Variants in LIN7A observed in about 807,000 individuals in gnomAD.
LIN7A encodes the protein lin-7 cell polarity scaffold A.
Under a neutral mutation model 29.8 loss-of-function variants are expected in LIN7A, and 25 were observed. The ratio of observed to expected loss-of-function variants is 0.84; its 90% CI spans 0.61 to 1.17. The LOEUF (loss-of-function observed/expected upper bound fraction) is 1.17. Among genes scored for constraint, LIN7A ranks in the 50% most tolerant of loss-of-function variants. The pLI is 0.00. For synonymous variants in LIN7A, 118 were observed against 107.5 expected (o/e 1.10, Z -0.60); for missense variants, 239 against 287.0 (o/e 0.83, Z 1.21).
chr12:80,919,127 G>A (rs552708987), intron 1 of LIN7A, among the ~76,000 whole-genome samples: 13 of 152,246 alleles, frequency 8.5e-5, no homozygotes, highest in South Asian at 2.1e-4. Context: ...TATTTCCATC[G>A]TTAAGGAATG....
rs958079322 is a variant in LIN7A, at chr12:80,793,287, G to C, written c.*4440C>G. 1 of 152,210 alleles carries C rather than the reference G, an allele frequency of 6.6e-6. No individual in the cohort carries two copies. The highest frequency in any genetic ancestry group is 2.4e-5 in the African/African-American group (1 of 41,452). 9.4% of individuals were successfully genotyped at this position (152,210 alleles called of 1,614,324 possible). A position where few individuals can be genotyped will look rare whatever the true frequency, so the allele number is the denominator to read the frequency against. ...CACTCAGCACAGTGGCTAGAAAATA[G>C]AGCTGCATAAATGTTAGTTATGAAT... On this transcript the variant is annotated 3_prime_UTR_variant, in exon 6 of 6. Coordinates refer to ENST00000552864, the MANE Select transcript of LIN7A (RefSeq NM_004664.4).
chr12:80,881,131 C>T (rs1875007936), intron 2 of LIN7A, among the ~76,000 whole-genome samples: 1 of 142,844 alleles, frequency 7.0e-6, no homozygotes. Flanking sequence ...AAATTTCCAT[C>T]CTTTTAAAAT....
chr12:80,931,816 A>G (rs1439476690), intron 1 of LIN7A, among the ~76,000 whole-genome samples: 3 of 152,174 alleles, frequency 2.0e-5, no homozygotes. Context: ...GTACACTAAA[A>G]CACATGCGGC....
In LIN7A at chr12:80,800,004, C is replaced by T. The variant is rs937162631; in HGVS notation, c.*1-2278G>A. ...TCTCGAAAAAAATAAAATAAAAAGACGGATAAAATCAATAAACTTCTAGCC... is the reference window on the plus strand; with the variant it reads ...TCTCGAAAAAAATAAAATAAAAAGATGGATAAAATCAATAAACTTCTAGCC... On this transcript the variant is annotated intron_variant, in intron 5 of 5. Transcript: ENST00000552864. 2.2e-4 allele frequency among the ~76,000 whole-genome samples: 33 copies of T among 151,950 alleles called. 1 individual carries two copies. Among genetic ancestry groups the T allele is most frequent in the Admixed American group, 1.7e-3 (26 of 15,280 alleles).
At chr12:80,891,772 T>A (rs2120665466) in intron 1 of LIN7A, among the ~76,000 whole-genome samples, 1 of 152,206 alleles carries the variant, frequency 6.6e-6, no homozygotes, top group South Asian at 2.1e-4. Context: ...AGCAGAGTCC[T>A]AGGTAGGAGG....
chr12:80,936,086 T>C (rs1486563027), intron 1 of LIN7A, among the ~76,000 whole-genome samples: 1 of 152,188 alleles, frequency 6.6e-6, no homozygotes, highest in African/African-American at 2.4e-5. Flanking sequence ...ACATAAATAC[T>C]TGGGAAGCTC....
intron 4 of LIN7A, among the ~76,000 whole-genome samples, chr12:80,839,133 A>G (rs962236731): frequency 1.3e-5 from 2 of 152,196 alleles, no homozygotes; most frequent in Non-Finnish European, 2.9e-5. Context: ...TCTCCACCAA[A>G]AATTTACTTA....
chr12:80,892,030 CCTGACTCT>C (rs1385238207), intron 1 of LIN7A, among the ~76,000 whole-genome samples: 1 of 152,076 alleles, frequency 6.6e-6, no homozygotes, highest in African/African-American at 2.4e-5. Flanking sequence ...CAATGTCTTC[CCTGACTCT>C]CTGAAGCAGC....
chr12:80,839,010 G>A (rs537912373), intron 4 of LIN7A, among the ~76,000 whole-genome samples: 91 of 152,320 alleles, frequency 6.0e-4, no homozygotes, highest in African/African-American at 2.0e-3. Flanking sequence ...AGAGTACTGA[G>A]CCATTTGAAT....
In LIN7A at chr12:80,911,849, T is replaced by G. The variant is rs569248609; in HGVS notation, c.83-22480A>C. Among the ~76,000 whole-genome samples, 34 of 152,294 alleles carry G rather than the reference T, an allele frequency of 2.2e-4. 1 individual carries two copies. In the South Asian group the frequency reaches 7.1e-3, roughly 32 times the overall value. On this transcript the variant is annotated intron_variant, in intron 1 of 5. Transcript: ENST00000552864. Reference sequence around the variant, plus strand: ...CAAATTACTCATACATAAACAAGTTTATTTGGAAGGCACTATTTTTCAAGT... The same window carrying G: ...CAAATTACTCATACATAAACAAGTTGATTTGGAAGGCACTATTTTTCAAGT...
chr12:80,917,782 T>A (rs1461119094), intron 1 of LIN7A, among the ~76,000 whole-genome samples: 1 of 152,196 alleles, frequency 6.6e-6, no homozygotes, highest in South Asian at 2.1e-4. Flanking sequence ...CATAACCTTT[T>A]CCCTCCAGAT....
chr12:80,808,802 G>GA (rs1288624343), intron 5 of LIN7A, among the ~76,000 whole-genome samples: 1 of 151,952 alleles, frequency 6.6e-6, no homozygotes, highest in Non-Finnish European at 1.5e-5. Context: ...ACCACGCTTG[G>GA]CTCCCAATAA....
At position 80,845,875 on chromosome 12, in the gene LIN7A, T is replaced by C. The variant is rs778140268; in HGVS notation, c.338A>G (p.Lys113Arg). ...HSHPRVVELP[K>R]TDEGLGFNVM... ...ATTAAAACCAAGGCCTTCATCAGTC[T>C]TTGGCAGTTCAACTACTCGAGGGTG... Residue 113 changes from lysine to arginine, a missense_variant, in exon 4 of 6, where the codon AAG becomes AGG. Transcript: ENST00000552864. 6.2e-7 allele frequency: 1 copy of C among 1,613,430 alleles called. No homozygotes were observed. The highest frequency in any genetic ancestry group is 8.5e-7 in the Non-Finnish European group (1 of 1,179,782).
At chr12:80,812,554 CT>C (rs974769354) in intron 4 of LIN7A, among the ~76,000 whole-genome samples, 2 of 151,098 alleles carry the variant, frequency 1.3e-5, no homozygotes, top group African/African-American at 4.9e-5. Flanking sequence ...TTTATTTGCC[CT>C]TTTTTGTTTT....
At chr12:80,898,081 C>T (rs1447881217) in intron 1 of LIN7A, among the ~76,000 whole-genome samples, 1 of 152,078 alleles carries the variant, frequency 6.6e-6, no homozygotes, top group African/African-American at 2.4e-5. Context: ...CCTAGATCAT[C>T]TTTCAGGGTT....
At chr12:80,813,062 G>C (rs1871367248) in intron 4 of LIN7A, among the ~76,000 whole-genome samples, 2 of 151,962 alleles carry the variant, frequency 1.3e-5, no homozygotes, top group Admixed American at 1.3e-4. Context: ...CCAGGCTAGA[G>C]TGCAATGGCG....
At chr12:80,854,891 A>G (rs59210267) in intron 2 of LIN7A, among the ~76,000 whole-genome samples, 3,057 of 152,318 alleles carry the variant, frequency 0.02, 114 homozygotes, top group African/African-American at 0.07. Context: ...TTTGAAACAT[A>G]AAGACATATA....
At chr12:80,899,856 C>T (rs1490721742) in intron 1 of LIN7A, among the ~76,000 whole-genome samples, 2 of 148,936 alleles carry the variant, frequency 1.3e-5, no homozygotes, top group Non-Finnish European at 3.0e-5. Context: ...GCAAGCTCCG[C>T]CCCCAGGTTC....
At chr12:80,894,039 C>T (rs1481878085) in intron 1 of LIN7A, among the ~76,000 whole-genome samples, 1 of 152,122 alleles carries the variant, frequency 6.6e-6, no homozygotes, top group African/African-American at 2.4e-5. Flanking sequence ...TTCTGATTCC[C>T]TTAAGTTCTA....
Sources: gnomAD v4.1 joint callset for allele counts (sites outside exome capture counted in the v4.1 genomes callset) on GRCh38, gnomAD v4.1.1 for gene constraint, MANE v1.5 for transcripts, NCBI Gene and HGNC (gene_info 2026-07-23, HGNC 2026-07-21) for gene names.